Variants in RFX3 observed in about 807,000 individuals in gnomAD.
RFX3 encodes the protein transcription factor RFX3.
RFX3 carries 14 observed loss-of-function variants against 98.6 expected under a neutral mutation model. The observed-to-expected ratio is 0.14, with a 90% confidence interval of 0.09 to 0.22. The LOEUF (loss-of-function observed/expected upper bound fraction) is 0.22, where lower values mean the gene tolerates loss of function less well. RFX3 is among the 10% of genes least tolerant of loss of function. The probability of loss-of-function intolerance (pLI) is 1.00; values close to 1 mark genes in which losing one functional copy is unlikely to be tolerated. For synonymous variants in RFX3, 383 were observed against 328.4 expected (o/e 1.17, Z -1.80); for missense variants, 639 against 926.9 (o/e 0.69, Z 4.03).
intron 2 of RFX3, 131 bp downstream of exon 2, chr9:3,395,341 A>G: frequency 1.0e-6 from 1 of 1,000,856 alleles, no homozygotes; most frequent in South Asian, 1.6e-5. Context: ...CATTTGCTGA[A>G]TGAACCTAAA....
At chr9:3,421,556 A>G (rs1356752524) in intron 1 of RFX3, among the ~76,000 whole-genome samples, 1 of 152,206 alleles carries the variant, frequency 6.6e-6, no homozygotes, top group Non-Finnish European at 1.5e-5. Context: ...TTATTGTTGT[A>G]CAGAATAGCA....
intron 9 of RFX3, 113 bp from the exon 10 acceptor site, chr9:3,271,231 G>T: frequency 4.1e-6 from 3 of 739,052 alleles, no homozygotes; most frequent in Non-Finnish European, 2.2e-6. Context: ...GGGGTCATAA[G>T]TTAACATGGT....
chr9:3,270,608 C>T (rs1468354843), intron 10 of RFX3, 83 bp from the exon 11 acceptor site: 69 of 1,348,112 alleles, frequency 5.1e-5, no homozygotes, highest in Non-Finnish European at 6.5e-5. Flanking sequence ...TTTAAGTTTA[C>T]CAAATATTAC....
At chr9:3,247,967 C>G (rs563099962) in intron 15 of RFX3, 65 bp downstream of exon 15, 4 of 1,613,762 alleles carry the variant, frequency 2.5e-6, no homozygotes, top group Non-Finnish European at 3.4e-6. Flanking sequence ...TGTATTTAGA[C>G]TGAAGTGTAA....
chr9:3,311,422 C>T (rs1022299362), intron 4 of RFX3, among the ~76,000 whole-genome samples: 5 of 152,212 alleles, frequency 3.3e-5, no homozygotes, highest in African/African-American at 1.2e-4. Flanking sequence ...TGACAGCCTC[C>T]TGGTGTGTGT....
In RFX3 at chr9:3,330,549, A is replaced by G. The variant is rs763534830; in HGVS notation, c.216-32T>C. On this transcript the variant is annotated intron_variant, in intron 3 of 16. Coordinates refer to ENST00000617270, the MANE Select transcript of RFX3 (RefSeq NM_001282116.2). ...AAGAAGAAGAAAAAAGAAATTTACTAGCTTATTTATGTCATCTTATTAATT... is the reference window on the plus strand; with the variant it reads ...AAGAAGAAGAAAAAAGAAATTTACTGGCTTATTTATGTCATCTTATTAATT... 8 of 1,571,070 alleles carry G rather than the reference A, an allele frequency of 5.1e-6. No individual in the cohort carries two copies. The Admixed American group carries it at 1.3e-4, about 25-fold the overall frequency.
intron 4 of RFX3, among the ~76,000 whole-genome samples, chr9:3,308,760 CA>C (rs1365456973): frequency 6.6e-6 from 1 of 152,086 alleles, no homozygotes; most frequent in African/African-American, 2.4e-5. Context: ...GACCCACCCC[CA>C]TGCCATGACT....
chr9:3,467,417 C>T (rs1016679533), intron 1 of RFX3, among the ~76,000 whole-genome samples: 3 of 150,824 alleles, frequency 2.0e-5, no homozygotes, highest in African/African-American at 7.3e-5. Context: ...AAGTAAAAGA[C>T]TAATCTCTAT....
intron 5 of RFX3, among the ~76,000 whole-genome samples, chr9:3,294,585 T>C (rs184199995): frequency 9.5e-4 from 145 of 152,308 alleles, no homozygotes; most frequent in Non-Finnish European, 1.5e-3. Context: ...CAATCAAACT[T>C]AGAACCTGAA....
chr9:3,366,693 C>CCTTTCTTTCTTTCTTT (rs1202997871), intron 2 of RFX3, among the ~76,000 whole-genome samples: 2,643 of 85,346 alleles, frequency 0.031, 77 homozygotes, highest in South Asian at 0.047. Flanking sequence ...TTCTTTCTTT[C>CCTTTCTTTCTTTCTTT]CTTTCTTTCT....
At chr9:3,436,862 A>G (rs2132626000) in intron 1 of RFX3, among the ~76,000 whole-genome samples, 1 of 151,870 alleles carries the variant, frequency 6.6e-6, no homozygotes, top group Admixed American at 6.6e-5. Flanking sequence ...GAGCCAATAA[A>G]CTCCCTAAGA....
At chr9:3,454,737 T>A (rs893186379) in intron 1 of RFX3, among the ~76,000 whole-genome samples, 1 of 152,220 alleles carries the variant, frequency 6.6e-6, no homozygotes, top group East Asian at 1.9e-4. Context: ...ATTGACTATT[T>A]TTTTCCCCAC....
At chr9:3,315,270 G>T (rs998077493) in intron 4 of RFX3, among the ~76,000 whole-genome samples, 22 of 143,886 alleles carry the variant, frequency 1.5e-4, no homozygotes, top group Non-Finnish European at 2.5e-4. Context: ...GCTCCTGAAT[G>T]ACTACTGGGT....
At chr9:3,289,597 G>A (rs969468966) in intron 6 of RFX3, among the ~76,000 whole-genome samples, 24 of 152,058 alleles carry the variant, frequency 1.6e-4, no homozygotes, top group African/African-American at 5.3e-4. Flanking sequence ...GGAAAATGAT[G>A]TCTCTCTTGT....
chr9:3,231,566 G>A (rs776269217), intron 15 of RFX3, among the ~76,000 whole-genome samples: 38 of 152,008 alleles, frequency 2.5e-4, no homozygotes, highest in Non-Finnish European at 4.1e-4. Context: ...AAAAATGAGC[G>A]CTTAGGAAAC....
At chr9:3,411,183 C>T (rs1842437705) in intron 1 of RFX3, among the ~76,000 whole-genome samples, 1 of 152,142 alleles carries the variant, frequency 6.6e-6, no homozygotes, top group African/African-American at 2.4e-5. Context: ...AGGTTATTTG[C>T]ATATGAAAAT....
At chr9:3,273,640 G>A (rs1248120830) in intron 9 of RFX3, among the ~76,000 whole-genome samples, 1 of 152,026 alleles carries the variant, frequency 6.6e-6, no homozygotes, top group Admixed American at 6.6e-5. Flanking sequence ...GAAGCGGGTG[G>A]ATCACTTCAG....
chr9:3,457,046 CAGG>C (rs1210302319), intron 1 of RFX3, among the ~76,000 whole-genome samples: 1 of 142,074 alleles, frequency 7.0e-6, no homozygotes, highest in African/African-American at 2.6e-5. Context: ...GAGGCTAAGG[CAGG>C]AGAATAGCTT....
At chr9:3,240,112 T>C (rs960676254) in intron 15 of RFX3, among the ~76,000 whole-genome samples, 1 of 152,240 alleles carries the variant, frequency 6.6e-6, no homozygotes, top group African/African-American at 2.4e-5. Context: ...GGGCTGGCTA[T>C]GTCTATGTCA....
Sources: gnomAD v4.1 joint callset for allele counts (sites outside exome capture counted in the v4.1 genomes callset) on GRCh38, gnomAD v4.1.1 for gene constraint, MANE v1.5 for transcripts, NCBI Gene and HGNC (gene_info 2026-07-23, HGNC 2026-07-21) for gene names.